SGCD: variants seen among roughly 807,000 people sequenced by gnomAD.
The protein encoded by SGCD is delta-sarcoglycan.
In SGCD, 18 loss-of-function variants were observed where a neutral mutation model predicts 36.6. The observed-to-expected ratio is 0.49, with a 90% CI of 0.34 to 0.73. The LOEUF is 0.73. Among genes scored for constraint, SGCD ranks in the 30% least tolerant of loss-of-function variants. The pLI is 0.01. For missense variants in SGCD, 387 were observed against 346.7 expected (o/e 1.12, Z -0.92); for synonymous variants, 133 against 130.6 (o/e 1.02, Z -0.12).
At chr5:156,407,076 G>A (rs1333789059) in intron 3 of SGCD, among the ~76,000 whole-genome samples, 3 of 151,774 alleles carry the variant, frequency 2.0e-5, no homozygotes, top group Non-Finnish European at 4.4e-5. Flanking sequence ...TATATTCACT[G>A]GAAGCTTATT....
chr5:156,517,101 C>T (rs1757209652), intron 4 of SGCD, among the ~76,000 whole-genome samples: 1 of 152,106 alleles, frequency 6.6e-6, no homozygotes, highest in East Asian at 1.9e-4. Flanking sequence ...CATGATAAAA[C>T]ATTACAGAAG....
chr5:155,981,366 C>G (rs1758225919), intron 1 of SGCD, among the ~76,000 whole-genome samples: 1 of 152,154 alleles, frequency 6.6e-6, no homozygotes, highest in Admixed American at 6.5e-5. Flanking sequence ...ATTGGTTAAA[C>G]TGCTGACAGT....
At chr5:156,291,430 A>G (rs1766754629) in intron 3 of SGCD, among the ~76,000 whole-genome samples, 1 of 152,142 alleles carries the variant, frequency 6.6e-6, no homozygotes, top group Admixed American at 6.6e-5. Flanking sequence ...AATGAGCATA[A>G]CTATGTTCCA....
At chr5:156,035,404 AATACTAGC>A (rs1162318003) in intron 1 of SGCD, among the ~76,000 whole-genome samples, 1 of 152,074 alleles carries the variant, frequency 6.6e-6, no homozygotes, top group African/African-American at 2.4e-5. Flanking sequence ...CCAAGTGTTC[AATACTAGC>A]ATGGGCAACG....
chr5:155,882,855 T>C (rs908771885), intron 1 of SGCD, among the ~76,000 whole-genome samples: 19 of 152,218 alleles, frequency 1.2e-4, no homozygotes, highest in Non-Finnish European at 2.2e-4. Context: ...GCCTGCCCTT[T>C]GAAGCTTTAA....
chr5:156,709,400 T>C (rs1754885323), intron 7 of SGCD, among the ~76,000 whole-genome samples: 1 of 152,164 alleles, frequency 6.6e-6, no homozygotes, highest in Non-Finnish European at 1.5e-5. Context: ...ACTAACACTG[T>C]TGTAATGAGA....
At chr5:155,763,313 A>C in the SGCD span, among the ~76,000 whole-genome samples, 4 of 152,198 alleles carry the variant, frequency 2.6e-5, no homozygotes, top group Non-Finnish European at 5.9e-5. Flanking sequence ...TGGAGACAGA[A>C]GGTGAGAGGG....
intron 3 of SGCD, among the ~76,000 whole-genome samples, chr5:156,138,793 C>T (rs1762515157): frequency 6.6e-6 from 1 of 152,310 alleles, no homozygotes; most frequent in South Asian, 2.1e-4. Context: ...AGGTGATTCA[C>T]TTCCATAAGC....
At chr5:156,137,542 C>T (rs547240234) in intron 3 of SGCD, among the ~76,000 whole-genome samples, 3 of 152,194 alleles carry the variant, frequency 2.0e-5, no homozygotes, top group African/African-American at 7.2e-5. Flanking sequence ...ATGACCATCT[C>T]ACTCTATTAA....
intron 1 of SGCD, among the ~76,000 whole-genome samples, chr5:156,080,888 C>T (rs1379531496): frequency 6.6e-6 from 1 of 152,242 alleles, no homozygotes; most frequent in African/African-American, 2.4e-5. Context: ...TCAATCTCTG[C>T]CTGTTACCCA....
In SGCD at chr5:156,396,793, C is replaced by T. The variant is rs528481789; in HGVS notation, c.192+52116C>T. Among the ~76,000 whole-genome samples, 8 of 152,314 alleles carry T rather than the reference C, an allele frequency of 5.3e-5. 1 individual carries two copies. Among genetic ancestry groups the T allele is most frequent in the African/African-American group, 1.9e-4 (8 of 41,562 alleles). On this transcript the variant is annotated intron_variant, in intron 3 of 8. Transcript: ENST00000337851. ...TAAATGCTGACCATGCACTGTTTCA[C>T]TGAACCTTCACTGGAACTTAGAAGG... is the stretch of plus-strand genomic sequence containing the variant.
At chr5:156,198,978 T>C (rs1399705667) in intron 3 of SGCD, among the ~76,000 whole-genome samples, 1 of 152,058 alleles carries the variant, frequency 6.6e-6, no homozygotes, top group Non-Finnish European at 1.5e-5. Flanking sequence ...TATAGGTGCA[T>C]GCCAACACAC....
chr5:156,588,685 A>G (rs2113366658), intron 4 of SGCD, among the ~76,000 whole-genome samples: 1 of 152,340 alleles, frequency 6.6e-6, no homozygotes, highest in African/African-American at 2.4e-5. Flanking sequence ...GCAGAAGCAT[A>G]CTTGGGGACA....
intron 1 of SGCD, among the ~76,000 whole-genome samples, chr5:156,073,402 G>T (rs1244362499): frequency 6.6e-6 from 1 of 151,860 alleles, no homozygotes; most frequent in Non-Finnish European, 1.5e-5. Context: ...TACAAAAATT[G>T]GCCAAAAAAA....
In SGCD at chr5:156,100,760, A is replaced by G. The variant is rs1056777377; in HGVS notation, c.-281-17118A>G. Among the ~76,000 whole-genome samples the G allele has an allele frequency of 3.3e-5, 5 of 152,202 alleles. No individual in the cohort carries two copies. The East Asian group carries it at 7.7e-4, about 23-fold the overall frequency. On this transcript the variant is annotated intron_variant, in intron 1 of 9. Transcript: ENST00000517913. Reference sequence around the variant, plus strand: ...AAGATGAACTCTATTGATTTGTAATACATGCATTTTTAAATTTTATTTGAA... The same window carrying G: ...AAGATGAACTCTATTGATTTGTAATGCATGCATTTTTAAATTTTATTTGAA...
intron 3 of SGCD, among the ~76,000 whole-genome samples, chr5:156,140,674 TA>T (rs1762558976): frequency 6.6e-6 from 1 of 152,030 alleles, no homozygotes; most frequent in African/African-American, 2.4e-5. Flanking sequence ...AAAAATGAGT[TA>T]AAGACAGAAT....
intron 3 of SGCD, among the ~76,000 whole-genome samples, chr5:156,219,607 AT>A (rs1764668494): frequency 6.6e-6 from 1 of 152,200 alleles, no homozygotes; most frequent in Admixed American, 6.5e-5. Context: ...ATGAAGCTTC[AT>A]TGAGAAGTGG....
chr5:156,510,788 A>G (rs570209405), intron 4 of SGCD, among the ~76,000 whole-genome samples: 1 of 152,338 alleles, frequency 6.6e-6, no homozygotes, highest in African/African-American at 2.4e-5. Flanking sequence ...TAAGAACATA[A>G]GAAGAACAGT....
chr5:156,151,638 A>C lies in SGCD; in HGVS notation c.-44+27619A>C, dbSNP rs1234742423. 2.0e-5 allele frequency among the ~76,000 whole-genome samples: 3 copies of C among 151,562 alleles called. 1 individual carries two copies. Among genetic ancestry groups the C allele is most frequent in the African/African-American group, 7.3e-5 (3 of 40,856 alleles). The stretch of plus-strand genomic sequence containing the variant: ...CATCAACTTCTCTGAGCACCAAGAT[A>C]CTGCCTAGGTTCCCTTCCAGGATAT... On this transcript the variant is annotated intron_variant, in intron 3 of 9. Coordinates refer to the SGCD transcript ENST00000517913.
Sources: allele counts gnomAD v4.1 joint callset (sites outside exome capture counted in the v4.1 genomes callset), GRCh38; gene constraint gnomAD v4.1.1; transcripts MANE v1.5; gene names NCBI Gene and HGNC (gene_info 2026-07-23, HGNC 2026-07-21).